RNGTT: variants seen among roughly 807,000 people sequenced by gnomAD.
RNGTT encodes the protein mRNA-capping enzyme.
RNGTT carries 33 observed loss-of-function variants against 79.3 expected under a neutral mutation model. That is an observed-to-expected ratio of 0.42 (90% CI 0.32 to 0.56). RNGTT has a LOEUF of 0.56. Among genes scored for constraint, RNGTT ranks in the 20% least tolerant of loss-of-function variants. The pLI is 0.17. For missense variants in RNGTT, 497 were observed against 739.1 expected, an observed-to-expected ratio of 0.67 and a Z score of 3.80; for synonymous variants, 222 against 235.9, an observed-to-expected ratio of 0.94 and a Z score of 0.54.
At chr6:88,744,379 A>G (rs375121869) in intron 13 of RNGTT, among the ~76,000 whole-genome samples, 269 of 152,140 alleles carry the variant, frequency 1.8e-3, no homozygotes, top group African/African-American at 6.2e-3. Context: ...CTCCCACCTC[A>G]GCCTCCAGAG....
rs537549836 is a variant in RNGTT, at chr6:88,788,254, A to G, written c.1338+13310T>C. Among the ~76,000 whole-genome samples the G allele has an allele frequency of 3.3e-5, 5 of 152,316 alleles. No individual in the cohort carries two copies. The East Asian group carries it at 9.6e-4, about 29-fold the overall frequency. On this transcript the variant is annotated intron_variant, in intron 12 of 15. Coordinates refer to ENST00000369485, the MANE Select transcript of RNGTT (RefSeq NM_003800.5). ...ATGAGACTACTAGAAAGAGTAGGGC[A>G]TGAGAAAGAATGAAATCTGGTGCAC... is the stretch of plus-strand genomic sequence containing the variant.
At chr6:88,632,483 G>T (rs1244185792) in intron 14 of RNGTT, among the ~76,000 whole-genome samples, 1 of 151,232 alleles carries the variant, frequency 6.6e-6, no homozygotes. Context: ...GTTTGATCCA[G>T]TTTATCTAAT....
intron 14 of RNGTT, among the ~76,000 whole-genome samples, chr6:88,664,054 A>G (rs1031816875): frequency 6.6e-6 from 1 of 152,180 alleles, no homozygotes; most frequent in East Asian, 1.9e-4. Flanking sequence ...AGTGGCTGGA[A>G]GAGCATGTTC....
chr6:88,617,104 C>T (rs943866237), intron 14 of RNGTT, among the ~76,000 whole-genome samples: 1 of 152,188 alleles, frequency 6.6e-6, no homozygotes, highest in African/African-American at 2.4e-5. Flanking sequence ...CCTGTCTCTA[C>T]TAAAAATACA....
At chr6:88,831,026 C>T (rs1394086701) in intron 11 of RNGTT, among the ~76,000 whole-genome samples, 2 of 152,148 alleles carry the variant, frequency 1.3e-5, no homozygotes, top group Non-Finnish European at 2.9e-5. Context: ...GGAGCTGGTA[C>T]CATTCCTTCT....
At chr6:88,724,714 A>G (rs555754528) in intron 13 of RNGTT, among the ~76,000 whole-genome samples, 9 of 152,324 alleles carry the variant, frequency 5.9e-5, no homozygotes, top group African/African-American at 2.2e-4. Flanking sequence ...CAAAGAATCA[A>G]TATGTCAGTA....
chr6:88,940,941 T>C (rs1784824736), intron 2 of RNGTT, 130 bp downstream of exon 2: 1 of 549,820 alleles, frequency 1.8e-6, no homozygotes, highest in Admixed American at 3.3e-5. Flanking sequence ...GAATTCTATG[T>C]ACAATTACTG....
chr6:88,704,500 A>G (rs1428056465), intron 13 of RNGTT, among the ~76,000 whole-genome samples: 1 of 152,152 alleles, frequency 6.6e-6, no homozygotes, highest in Non-Finnish European at 1.5e-5. Context: ...TTATGATCAA[A>G]GAGACATGAA....
At chr6:88,815,254 G>A (rs1428484216) in intron 11 of RNGTT, among the ~76,000 whole-genome samples, 1 of 152,206 alleles carries the variant, frequency 6.6e-6, no homozygotes, top group Non-Finnish European at 1.5e-5. Flanking sequence ...ATACATCATA[G>A]CCAGGAAGAG....
intron 4 of RNGTT, among the ~76,000 whole-genome samples, chr6:88,917,879 ACCAT>A (rs1316760685): frequency 6.6e-6 from 1 of 152,116 alleles, no homozygotes; most frequent in Non-Finnish European, 1.5e-5. Context: ...AGAGCGAGAC[ACCAT>A]CTCAAAAAAA....
At chr6:88,883,170 CAAAAAAAAAA>C (rs976114373) in intron 8 of RNGTT, among the ~76,000 whole-genome samples, 291 of 68,900 alleles carry the variant, frequency 4.2e-3, no homozygotes, top group Non-Finnish European at 6.3e-3. Flanking sequence ...CTCTTTATGA[CAAAAAAAAAA>C]AAAAAAAAAA....
In RNGTT at chr6:88,904,840, G is replaced by T; in HGVS notation, c.559C>A (p.Pro187Thr). The T allele has an allele frequency of 6.2e-7, 1 of 1,614,038 alleles. No individual in the cohort carries two copies. Among genetic ancestry groups the T allele is most frequent in the Non-Finnish European group, 8.5e-7 (1 of 1,180,020 alleles). The change falls in exon 6 of 16, where the codon CCT becomes ACT. Residue 187 changes from proline to threonine, a missense_variant. By Grantham distance (38) the Pro-to-Thr change is conservative. This residue lies in a region of RNGTT where 440 missense variants were observed against 671.5 expected (regional missense o/e 0.66). Coordinates refer to ENST00000369485, the MANE Select transcript of RNGTT (RefSeq NM_003800.5). ...YGDIEEAPPP[P>T]LLPDWCFEDD... ...TCAAAACACCAATCTGGCAATAGAGGTGGGGGTGGTGCTTCCTCTATGTCA... is the reference window on the plus strand; with the variant it reads ...TCAAAACACCAATCTGGCAATAGAGTTGGGGGTGGTGCTTCCTCTATGTCA...
chr6:88,738,544 G>A (rs1222377364), intron 13 of RNGTT, among the ~76,000 whole-genome samples: 1 of 152,156 alleles, frequency 6.6e-6, no homozygotes, highest in Admixed American at 6.6e-5. Context: ...TACTCAGAAG[G>A]CTGAGGCAAG....
intron 14 of RNGTT, among the ~76,000 whole-genome samples, chr6:88,663,159 G>C (rs1774253867): frequency 6.6e-6 from 1 of 152,158 alleles, no homozygotes; most frequent in Non-Finnish European, 1.5e-5. Flanking sequence ...TGTGGTAAGA[G>C]TGTTGTTTTG....
chr6:88,765,554 A>C (rs1778432184), intron 13 of RNGTT, among the ~76,000 whole-genome samples: 1 of 152,188 alleles, frequency 6.6e-6, no homozygotes, highest in South Asian at 2.1e-4. Context: ...TTGTTTACCC[A>C]TGCAATTAAA....
intron 2 of RNGTT, among the ~76,000 whole-genome samples, chr6:88,929,915 T>TATATACATATGTATACATATGCATATAC (rs1562044972): frequency 1.4e-5 from 2 of 146,802 alleles, no homozygotes; most frequent in African/African-American, 2.7e-5. Context: ...TATGCATATA[T>TATATACATATGTATACATATGCATATAC]ACACGTATAT....
intron 14 of RNGTT, among the ~76,000 whole-genome samples, chr6:88,660,566 A>G (rs1774145432): frequency 6.6e-6 from 1 of 152,140 alleles, no homozygotes; most frequent in African/African-American, 2.4e-5. Flanking sequence ...AAAGAAAGAA[A>G]AGGAGAGACA....
intron 8 of RNGTT, among the ~76,000 whole-genome samples, chr6:88,883,512 T>C (rs1188878269): frequency 1.3e-5 from 2 of 152,214 alleles, no homozygotes; most frequent in African/African-American, 4.8e-5. Flanking sequence ...TGGATCAGCA[T>C]GACTCAGTTC....
intron 13 of RNGTT, among the ~76,000 whole-genome samples, chr6:88,751,527 C>T (rs1373576730): frequency 1.3e-5 from 2 of 152,030 alleles, no homozygotes; most frequent in Non-Finnish European, 2.9e-5. Context: ...GGCCACATTA[C>T]CTGGACTTCA....
Sources: allele counts gnomAD v4.1 joint callset (sites outside exome capture counted in the v4.1 genomes callset), GRCh38; gene constraint gnomAD v4.1.1; regional missense constraint gnomAD v4.1.1; transcripts MANE v1.5; gene names NCBI Gene and HGNC (gene_info 2026-07-23, HGNC 2026-07-21).